The following ZNF804A variants were observed in gnomAD, a reference collection of about 807,000 sequenced individuals.
ZNF804A encodes the protein zinc finger protein 804A.
Under a neutral mutation model 16.5 loss-of-function variants are expected in ZNF804A, and 2 were observed. The ratio of observed to expected loss-of-function variants is 0.12; its 90% CI spans 0.05 to 0.38. The LOEUF (loss-of-function observed/expected upper bound fraction) is 0.38. ZNF804A is among the 10% of genes least tolerant of loss of function. The pLI is 0.99. For synonymous variants in ZNF804A, 534 were observed against 489.6 expected, an observed-to-expected ratio of 1.09 and a Z score of -1.20; for missense variants, 1,473 against 1,390.7, an observed-to-expected ratio of 1.06 and a Z score of -0.94.
chr2:184,863,230 G>T (rs1695825763), intron 1 of ZNF804A, among the ~76,000 whole-genome samples: 1 of 152,004 alleles, frequency 6.6e-6, no homozygotes, highest in African/African-American at 2.4e-5. Context: ...AATATGGAGT[G>T]AACATTTGCT....
At chr2:184,765,103 G>A (rs934346674) in intron 1 of ZNF804A, among the ~76,000 whole-genome samples, 2 of 152,164 alleles carry the variant, frequency 1.3e-5, no homozygotes, top group African/African-American at 4.8e-5. Context: ...GTATATTTGT[G>A]TTTTTAATTG....
At chr2:184,870,141 A>G (rs1311236788) in intron 2 of ZNF804A, among the ~76,000 whole-genome samples, 3 of 152,070 alleles carry the variant, frequency 2.0e-5, no homozygotes, top group African/African-American at 7.2e-5. Context: ...ATGCTGCTAT[A>G]TAAATAAATG....
At chr2:184,779,207 T>A (rs977463552) in intron 1 of ZNF804A, among the ~76,000 whole-genome samples, 1 of 151,722 alleles carries the variant, frequency 6.6e-6, no homozygotes. Context: ...TTTCCAGGTG[T>A]AGGCATGACA....
intron 2 of ZNF804A, among the ~76,000 whole-genome samples, chr2:184,879,772 T>C (rs1202114076): frequency 6.6e-6 from 1 of 152,008 alleles, no homozygotes; most frequent in Non-Finnish European, 1.5e-5. Context: ...TCACAAACAA[T>C]GAGACATTGC....
At chr2:184,676,187 T>C (rs1009159234) in intron 1 of ZNF804A, among the ~76,000 whole-genome samples, 43 of 151,736 alleles carry the variant, frequency 2.8e-4, no homozygotes, top group African/African-American at 1.0e-3. Context: ...AATTCCATTT[T>C]AATGAAAATA....
intron 1 of ZNF804A, among the ~76,000 whole-genome samples, chr2:184,671,210 C>G (rs1692335083): frequency 6.6e-6 from 1 of 152,176 alleles, no homozygotes; most frequent in Non-Finnish European, 1.5e-5. Flanking sequence ...TGCTTTTACT[C>G]ACCATCTGTG....
chr2:184,895,340 A>G (rs1305216020), intron 2 of ZNF804A, among the ~76,000 whole-genome samples: 2 of 152,154 alleles, frequency 1.3e-5, no homozygotes, highest in Non-Finnish European at 2.9e-5. Flanking sequence ...TGATTAAACA[A>G]TAACTCAATA....
At chr2:184,752,596 A>C (rs2105759137) in intron 1 of ZNF804A, among the ~76,000 whole-genome samples, 2 of 151,726 alleles carry the variant, frequency 1.3e-5, no homozygotes, top group South Asian at 4.1e-4. Context: ...TACCCATGTA[A>C]TAAACATGAA....
At chr2:184,919,281 C>T (rs1196372904) in intron 2 of ZNF804A, among the ~76,000 whole-genome samples, 1 of 152,190 alleles carries the variant, frequency 6.6e-6, no homozygotes, top group Non-Finnish European at 1.5e-5. Flanking sequence ...TGCCACCAGG[C>T]AGCTGGCTGA....
chr2:184,765,472 T>A (rs1018305607), intron 1 of ZNF804A, among the ~76,000 whole-genome samples: 1 of 152,130 alleles, frequency 6.6e-6, no homozygotes, highest in African/African-American at 2.4e-5. Flanking sequence ...TATCTATAGA[T>A]TACAGACATT....
At position 184,704,825 on chromosome 2, in the gene ZNF804A, A is replaced by G. The variant is rs550806440; in HGVS notation, c.111+105755A>G. 4.6e-5 allele frequency among the ~76,000 whole-genome samples: 7 copies of G among 152,338 alleles called. No homozygotes were observed. The South Asian group carries it at 1.5e-3, about 32-fold the overall frequency. On this transcript the variant is annotated intron_variant, in intron 1 of 3. Coordinates refer to ENST00000302277, the MANE Select transcript of ZNF804A (RefSeq NM_194250.2). ...GGGAAGGATAAAAAGCCTGAATGACACTGGTCGCTAACAACTGACTGCTCA... is the reference window on the plus strand; with the variant it reads ...GGGAAGGATAAAAAGCCTGAATGACGCTGGTCGCTAACAACTGACTGCTCA...
At chr2:184,761,679 T>C (rs1471790140) in intron 1 of ZNF804A, among the ~76,000 whole-genome samples, 1 of 152,120 alleles carries the variant, frequency 6.6e-6, no homozygotes, top group African/African-American at 2.4e-5. Context: ...AAACAAGTTC[T>C]CAACCTCCAG....
chr2:184,919,339 C>T (rs1009161079), intron 2 of ZNF804A, among the ~76,000 whole-genome samples: 11 of 152,084 alleles, frequency 7.2e-5, no homozygotes, highest in Non-Finnish European at 1.0e-4. Flanking sequence ...TGGTCTCTGT[C>T]GCTGCTGGCA....
chr2:184,854,251 A>G (rs2105805628), intron 1 of ZNF804A, among the ~76,000 whole-genome samples: 1 of 152,096 alleles, frequency 6.6e-6, no homozygotes, highest in East Asian at 1.9e-4. Context: ...CATGTGATGG[A>G]TCACAGTCAA....
intron 1 of ZNF804A, among the ~76,000 whole-genome samples, chr2:184,650,425 C>T (rs1691962303): frequency 6.6e-6 from 1 of 152,088 alleles, no homozygotes; most frequent in Non-Finnish European, 1.5e-5. Context: ...ACTTTCACTG[C>T]TCATATTCAG....
chr2:184,651,171 T>C (rs951673270), intron 1 of ZNF804A, among the ~76,000 whole-genome samples: 14 of 151,820 alleles, frequency 9.2e-5, no homozygotes, highest in African/African-American at 3.4e-4. Flanking sequence ...CTTGAAAAGG[T>C]GACAAAAACA....
intron 2 of ZNF804A, among the ~76,000 whole-genome samples, chr2:184,923,746 G>A (rs1685567929): frequency 6.6e-6 from 1 of 151,880 alleles, no homozygotes; most frequent in Non-Finnish European, 1.5e-5. Flanking sequence ...TTTTTTGAGG[G>A]CTTTTGTCAG....
chr2:184,854,698 G>A (rs1291117021), intron 1 of ZNF804A, among the ~76,000 whole-genome samples: 1 of 152,010 alleles, frequency 6.6e-6, no homozygotes, highest in African/African-American at 2.4e-5. Context: ...AGGATAAACT[G>A]TTGAAGTGCT....
chr2:184,726,232 A>G (rs540275257), intron 1 of ZNF804A, among the ~76,000 whole-genome samples: 1 of 151,752 alleles, frequency 6.6e-6, no homozygotes, highest in African/African-American at 2.4e-5. Context: ...TGTTTGTGCC[A>G]TTTTACAATC....
Sources: gnomAD v4.1 joint callset for allele counts (sites outside exome capture counted in the v4.1 genomes callset) on GRCh38, gnomAD v4.1.1 for gene constraint, MANE v1.5 for transcripts, NCBI Gene and HGNC (gene_info 2026-07-23, HGNC 2026-07-21) for gene names.